The following CDH13 variants were observed in gnomAD, a reference collection of about 807,000 sequenced individuals.
CDH13 encodes cadherin-13.
Under a neutral mutation model 63.8 loss-of-function variants are expected in CDH13, and 24 were observed. That is an observed-to-expected ratio of 0.38 (90% CI 0.27 to 0.53). The LOEUF (loss-of-function observed/expected upper bound fraction) is 0.53, where lower values mean the gene tolerates loss of function less well. CDH13 is among the 20% of genes least tolerant of loss of function. CDH13 has a pLI of 0.85. For synonymous variants in CDH13, 503 were observed against 355.3 expected, an observed-to-expected ratio of 1.42 and a Z score of -4.67; for missense variants, 1,049 against 903.1, an observed-to-expected ratio of 1.16 and a Z score of -2.07.
intron 3 of CDH13, among the ~76,000 whole-genome samples, chr16:83,122,922 C>T (rs11860159): frequency 0.018 from 2,699 of 152,214 alleles, 70 homozygotes; most frequent in African/African-American, 0.061. Context: ...AGCTCTCACC[C>T]TCCTCCCACC....
intron 11 of CDH13, among the ~76,000 whole-genome samples, chr16:83,763,639 C>G (rs377478703): frequency 2.0e-5 from 3 of 152,198 alleles, no homozygotes; most frequent in African/African-American, 4.8e-5. Flanking sequence ...TAAAATGAAG[C>G]CATTAGTTAT....
chr16:83,603,903 C>T (rs1473116580), intron 8 of CDH13, among the ~76,000 whole-genome samples: 1 of 152,128 alleles, frequency 6.6e-6, no homozygotes, highest in Non-Finnish European at 1.5e-5. Context: ...GAAGCCAGCA[C>T]ATCTTCACAT....
chr16:83,356,317 T>C lies in CDH13; in HGVS notation c.781+11311T>C, dbSNP rs148079497. ...CCAACCTTCCTTAGTCATTTTATAGTAGCCCAGCTTGCCAGGTAACTCCAC... is the reference window on the plus strand; with the variant it reads ...CCAACCTTCCTTAGTCATTTTATAGCAGCCCAGCTTGCCAGGTAACTCCAC... On this transcript the variant is annotated intron_variant, in intron 6 of 13. Coordinates refer to ENST00000567109, the MANE Select transcript of CDH13 (RefSeq NM_001257.5). Among the ~76,000 whole-genome samples, 58 of 151,514 alleles carry C rather than the reference T, an allele frequency of 3.8e-4. 2 individuals carry two copies. The highest frequency in any genetic ancestry group is 1.3e-3 in the African/African-American group (54 of 41,390).
rs371417541 is a variant in CDH13, at chr16:83,419,145, G to T, written c.782-67332G>T. Among the ~76,000 whole-genome samples, 44 of 152,250 alleles carry T rather than the reference G, an allele frequency of 2.9e-4. No homozygotes were observed. In the East Asian group the frequency reaches 4.1e-3, roughly 14 times the overall value. ...CTGACAGCTGTCGTTTTGTGATGCT[G>T]CTGCTTGCTTTTCATGAAATCTGTG... On this transcript the variant is annotated intron_variant, in intron 6 of 13. Coordinates refer to ENST00000567109, the MANE Select transcript of CDH13 (RefSeq NM_001257.5).
intron 4 of CDH13, among the ~76,000 whole-genome samples, chr16:83,158,019 A>G (rs897824849): frequency 6.6e-6 from 1 of 152,140 alleles, no homozygotes; most frequent in African/African-American, 2.4e-5. Context: ...CATGCCGTGA[A>G]CTCATTCCAG....
At position 83,795,115 on chromosome 16, in the gene CDH13, T is replaced by A; in HGVS notation, c.*85T>A. ...TCTATCCAAATCTGAAGATTGCGGT[T>A]TACAGCTATCGAACTTCACAACTAG... On this transcript the variant is annotated 3_prime_UTR_variant, in exon 14 of 14. Transcript: ENST00000567109. 8.1e-7 allele frequency: 1 copy of A among 1,237,290 alleles called. No individual in the cohort carries two copies. Among genetic ancestry groups the A allele is most frequent in the Non-Finnish European group, 1.1e-6 (1 of 882,194 alleles). The allele number at this position is 1,237,290 out of a possible 1,614,324, so 76.6% of individuals were successfully genotyped here.
At chr16:83,671,046 T>C (rs1914457329) in intron 9 of CDH13, 74 bp downstream of exon 9, 6 of 1,322,120 alleles carry the variant, frequency 4.5e-6, no homozygotes, top group Middle Eastern at 2.7e-4. Context: ...CATAGAATCA[T>C]TGAGTTTAGA....
chr16:82,784,594 G>A (rs1204396572), intron 1 of CDH13, among the ~76,000 whole-genome samples: 5 of 152,198 alleles, frequency 3.3e-5, no homozygotes, highest in Admixed American at 3.3e-4. Flanking sequence ...AGAACCTAGT[G>A]AGGGAAGAAG....
At chr16:83,488,323 C>G (rs968325232) in intron 7 of CDH13, among the ~76,000 whole-genome samples, 1 of 152,090 alleles carries the variant, frequency 6.6e-6, no homozygotes, top group Non-Finnish European at 1.5e-5. Flanking sequence ...TTTCTACTGC[C>G]TAGCATGGTT....
chr16:83,026,324 A>C (rs766366014), intron 2 of CDH13, among the ~76,000 whole-genome samples: 4 of 152,206 alleles, frequency 2.6e-5, no homozygotes, highest in Non-Finnish European at 4.4e-5. Context: ...AGATCAGAGA[A>C]GGTTCTCGCT....
intron 2 of CDH13, among the ~76,000 whole-genome samples, chr16:82,998,664 A>G (rs55673430): frequency 0.057 from 8,620 of 152,248 alleles, 354 homozygotes; most frequent in Non-Finnish European, 0.085. Flanking sequence ...ATTAGCAGAC[A>G]TTGATCTTGT....
At chr16:83,665,920 G>T (rs1913905864) in intron 8 of CDH13, among the ~76,000 whole-genome samples, 2 of 152,122 alleles carry the variant, frequency 1.3e-5, no homozygotes, top group African/African-American at 4.8e-5. Flanking sequence ...GCTCATCCAG[G>T]CAGCCTCATC....
chr16:83,169,752 T>C (rs2037843616), intron 4 of CDH13, among the ~76,000 whole-genome samples: 1 of 152,094 alleles, frequency 6.6e-6, no homozygotes, highest in Non-Finnish European at 1.5e-5. Context: ...TTAATTGGAT[T>C]TGATGTTTTG....
chr16:82,864,992 G>A (rs1228016071), intron 2 of CDH13, among the ~76,000 whole-genome samples: 1 of 152,144 alleles, frequency 6.6e-6, no homozygotes, highest in Non-Finnish European at 1.5e-5. Flanking sequence ...CCCCACGCAA[G>A]TCCAAAATCC....
chr16:83,738,396 T>G (rs1455897522), intron 10 of CDH13, among the ~76,000 whole-genome samples: 2 of 152,262 alleles, frequency 1.3e-5, no homozygotes, highest in Non-Finnish European at 2.9e-5. Flanking sequence ...ATGTTAATAG[T>G]GCTTATCTCT....
intron 4 of CDH13, among the ~76,000 whole-genome samples, chr16:83,195,421 G>C (rs1367788231): frequency 6.6e-6 from 1 of 152,164 alleles, no homozygotes; most frequent in Non-Finnish European, 1.5e-5. Context: ...TTCTGGGATG[G>C]CCTCAGGGAG....
intron 7 of CDH13, among the ~76,000 whole-genome samples, chr16:83,572,175 G>GTTTTGTGT (rs145519267): frequency 5.5e-5 from 8 of 145,586 alleles, no homozygotes; most frequent in African/African-American, 2.0e-4. Context: ...ACTTTCCTGT[G>GTTTTGTGT]GTGTGTGTGT....
chr16:82,973,400 A>T (rs1436929143), intron 2 of CDH13, among the ~76,000 whole-genome samples: 3 of 152,204 alleles, frequency 2.0e-5, no homozygotes, highest in African/African-American at 7.2e-5. Context: ...TCTAAGTGTC[A>T]GCTCATATGA....
intron 2 of CDH13, among the ~76,000 whole-genome samples, chr16:82,881,546 C>G (rs2040702570): frequency 6.6e-6 from 1 of 152,164 alleles, no homozygotes; most frequent in Non-Finnish European, 1.5e-5. Context: ...AAAAGACTGT[C>G]TTTAGCCAAG....
Sources: allele counts gnomAD v4.1 joint callset (sites outside exome capture counted in the v4.1 genomes callset), GRCh38; gene constraint gnomAD v4.1.1; transcripts MANE v1.5; gene names NCBI Gene and HGNC (gene_info 2026-07-23, HGNC 2026-07-21).